LYST: variants seen among roughly 807,000 people sequenced by gnomAD.
LYST encodes lysosomal trafficking regulator, also known as lysosomal-trafficking regulator.
A neutral mutation model predicts 413.6 loss-of-function variants in LYST; 192 were observed. The ratio of observed to expected loss-of-function variants is 0.46; its 90% CI spans 0.41 to 0.52. The LOEUF (loss-of-function observed/expected upper bound fraction) is 0.52. LYST is among the 20% of genes least tolerant of loss of function. The probability of loss-of-function intolerance (pLI) is 0.00; values close to 1 mark genes in which losing one functional copy is unlikely to be tolerated. For missense variants in LYST, 3,815 were observed against 4,499.9 expected (o/e 0.85, Z 4.35); for synonymous variants, 1,525 against 1,567.3 (o/e 0.97, Z 0.64).
intron 1 of LYST, among the ~76,000 whole-genome samples, chr1:235,851,202 A>ATT (rs1491119484): frequency 2.0e-4 from 30 of 151,504 alleles, no homozygotes; most frequent in Non-Finnish European, 3.7e-4. Context: ...ATATATATAT[A>ATT]TGATGAAATA....
chr1:235,754,750 A>C (rs979131145), intron 25 of LYST, among the ~76,000 whole-genome samples: 1 of 152,124 alleles, frequency 6.6e-6, no homozygotes, highest in Non-Finnish European at 1.5e-5. Context: ...AGATTTCGTT[A>C]AGAGTGAGTT....
At chr1:235,858,525 A>T (rs1679474031) in intron 1 of LYST, among the ~76,000 whole-genome samples, 1 of 152,046 alleles carries the variant, frequency 6.6e-6, no homozygotes, top group African/African-American at 2.4e-5. Context: ...CTATGTGCCA[A>T]TTTTTCCATC....
In LYST at chr1:235,780,884, A is replaced by G. The variant is rs746374310; in HGVS notation, c.5195T>C (p.Val1732Ala). ...IRELFMTKKDVDIGLLIESLS... is the reference protein window; with the variant it reads ...IRELFMTKKDADIGLLIESLS... ...ACTTACAATTAAGAGACCAATATCC[A>G]CATCTTTCTTGGTCATAAAAAGTTC... Residue 1732 changes from valine to alanine, a missense_variant, in exon 16 of 53, where the codon GTG becomes GCG. This residue lies in a region of LYST where 530 missense variants were observed against 696.5 expected (regional missense o/e 0.76). Coordinates refer to ENST00000389793, the MANE Select transcript of LYST (RefSeq NM_000081.4). 2.3e-5 allele frequency: 35 copies of G among 1,525,064 alleles called. No homozygotes were observed. Among genetic ancestry groups the G allele is most frequent in the Non-Finnish European group, 3.0e-5 (33 of 1,118,378 alleles). The allele number at this position is 1,525,064 out of a possible 1,614,324, so 94.5% of individuals were successfully genotyped here.
chr1:235,739,819 C>T lies in LYST; in HGVS notation c.8358+1603G>A, dbSNP rs1043374835. ...GGTTAAAGATAATATCCTCAGTCTT[C>T]GTGGGTGAATAAACAACTGGCCTTG... On this transcript the variant is annotated intron_variant, in intron 31 of 52. Coordinates refer to ENST00000389793, the MANE Select transcript of LYST (RefSeq NM_000081.4). Among the ~76,000 whole-genome samples, 12 of 152,042 alleles carry T rather than the reference C, an allele frequency of 7.9e-5. No homozygotes were observed. The East Asian group carries it at 1.2e-3, about 15-fold the overall frequency.
At position 235,787,198 on chromosome 1, in the gene LYST, A is replaced by T; in HGVS notation, c.4862+2T>A. 6.2e-7 allele frequency: 1 copy of T among 1,612,076 alleles called. No individual in the cohort carries two copies. The highest frequency in any genetic ancestry group is 8.5e-7 in the Non-Finnish European group (1 of 1,178,230). On this transcript the variant is annotated splice_donor_variant, in intron 14 of 52. Transcript: ENST00000389793. LOFTEE classifies it high-confidence loss of function. Reference sequence around the variant, plus strand: ...GATGCATTTTCTCAAAATGCTTCCTACCTCTGTCCAGAGACCCATATGGAG... The same window carrying T: ...GATGCATTTTCTCAAAATGCTTCCTTCCTCTGTCCAGAGACCCATATGGAG...
rs12070581 is a variant in LYST at position 235,832,420 on chromosome 1, A to G, written c.-8+1158T>C. Among the ~76,000 whole-genome samples, 955 of 152,332 alleles carry G rather than the reference A, an allele frequency of 6.3e-3. 10 individuals carry two copies. The highest frequency in any genetic ancestry group is 0.022 in the African/African-American group (912 of 41,580). On this transcript the variant is annotated intron_variant, in intron 2 of 52. Coordinates refer to ENST00000389793, the MANE Select transcript of LYST (RefSeq NM_000081.4). ...GAAATCAATATAAATTTTTAGATATAAAAGTTAATGCCATATCAGTAAAAG... is the reference window on the plus strand; with the variant it reads ...GAAATCAATATAAATTTTTAGATATGAAAGTTAATGCCATATCAGTAAAAG...
intron 3 of LYST, among the ~76,000 whole-genome samples, chr1:235,822,642 T>C (rs16832878): frequency 0.059 from 8,974 of 152,176 alleles, 890 homozygotes; most frequent in African/African-American, 0.2. Flanking sequence ...GGAATAATAA[T>C]AATTTTGGTC....
At position 235,734,601 on chromosome 1, in the gene LYST, A is replaced by C; in HGVS notation, c.8417T>G (p.Leu2806Trp). 1.2e-6 allele frequency: 2 copies of C among 1,613,210 alleles called. No individual in the cohort carries two copies. The highest frequency in any genetic ancestry group is 1.7e-6 in the Non-Finnish European group (2 of 1,179,308). The change falls in exon 32 of 53, where the codon TTG becomes TGG. Residue 2806 changes from leucine to tryptophan, a missense_variant. Coordinates refer to ENST00000389793, the MANE Select transcript of LYST (RefSeq NM_000081.4). ...TGCTGTGCCTAGCTCTTCTTCAGTCAATTCACCTTGGTGATTATGTATCAA... is the reference window on the plus strand; with the variant it reads ...TGCTGTGCCTAGCTCTTCTTCAGTCCATTCACCTTGGTGATTATGTATCAA... ...SELIHNHQGELTEEELGTAEL... is the reference protein window; with the variant it reads ...SELIHNHQGEWTEEELGTAEL...
rs147169658 is a variant in LYST at position 235,710,154 on chromosome 1, A to G, written c.9926-846T>C. Among the ~76,000 whole-genome samples, 1,015 of 152,310 alleles carry G rather than the reference A, an allele frequency of 6.7e-3. 8 individuals are homozygous for G. Among genetic ancestry groups the G allele is most frequent in the Middle Eastern group, 0.041 (12 of 294 alleles). The stretch of plus-strand genomic sequence containing the variant: ...TAAGTTGCTGTCTGTCTACTTTTTG[A>G]TCTTGTAAAAACAGTTAGAAGGATC... On this transcript the variant is annotated intron_variant, in intron 43 of 52. Transcript: ENST00000389793.
intron 3 of LYST, chr1:235,828,060 A>G (rs1381058234): frequency 7.5e-6 from 5 of 666,162 alleles, no homozygotes; most frequent in Non-Finnish European, 9.3e-6. Flanking sequence ...GTGAACTAAA[A>G]CTACAATAAG....
intron 1 of LYST, among the ~76,000 whole-genome samples, chr1:235,857,605 A>G (rs1376176222): frequency 6.6e-6 from 1 of 152,056 alleles, no homozygotes; most frequent in Non-Finnish European, 1.5e-5. Context: ...CCAGCCAATG[A>G]GACTGAAGAG....
At chr1:235,723,949 C>T in intron 39 of LYST, 79 bp downstream of exon 39, 1 of 1,217,224 alleles carries the variant, frequency 8.2e-7, no homozygotes. Flanking sequence ...AGTAAACCTT[C>T]ATGTAATCAG....
At chr1:235,771,321 C>G (rs1413397913) in intron 19 of LYST, among the ~76,000 whole-genome samples, 1 of 152,084 alleles carries the variant, frequency 6.6e-6, no homozygotes, top group East Asian at 1.9e-4. Flanking sequence ...GTAAGAAAAT[C>G]TTATTTCAAA....
rs761007324 is a variant in LYST, at chr1:235,881,658, C to CAT, written n.454+1527_454+1528dup. On this transcript the variant is annotated intron_variant and non_coding_transcript_variant, in intron 1 of 11. Transcript: ENST00000465349. The stretch of plus-strand genomic sequence containing the variant: ...ATATATATTTACATACACGTACATA[C>CAT]ATATATATATGCAATGGAATATTAT... 7.2e-5 allele frequency among the ~76,000 whole-genome samples: 11 copies of CAT among 152,044 alleles called. No homozygotes were observed. The South Asian group carries it at 1.0e-3, about 14-fold the overall frequency.
At position 235,661,832 on chromosome 1, in the gene LYST, C is replaced by T. The variant is rs751243581; in HGVS notation, c.*1108G>A. On this transcript the variant is annotated 3_prime_UTR_variant, in exon 53 of 53. Coordinates refer to ENST00000389793, the MANE Select transcript of LYST (RefSeq NM_000081.4). Reference sequence around the variant, plus strand: ...ACAGCCATCATATGGGAGAGACAGACGGCTCCAAGATGTTTAGGAATTCTG... The same window carrying T: ...ACAGCCATCATATGGGAGAGACAGATGGCTCCAAGATGTTTAGGAATTCTG... The T allele has an allele frequency of 6.6e-5, 10 of 152,542 alleles. No individual in the cohort carries two copies. Among genetic ancestry groups the T allele is most frequent in the Non-Finnish European group, 1.2e-4 (8 of 68,030 alleles). 9.4% of individuals were successfully genotyped at this position (152,542 alleles called of 1,614,324 possible). A position where few individuals can be genotyped will look rare whatever the true frequency, so the allele number is the denominator to read the frequency against.
Position 235,693,432 on chromosome 1 carries a change from C to A in LYST, c.10619G>T (p.Gly3540Val). The change falls in exon 47 of 53, where the codon GGA becomes GTA. Residue 3540 changes from glycine (G) to valine (V), a missense_variant. Coordinates refer to ENST00000389793, the MANE Select transcript of LYST (RefSeq NM_000081.4). ...CAACCTTAAAATATTATCAGCATAT[C>A]CCCAGCTCAGGATGGCTGACCACTG... ...DIQWSAILSW[G>V]YADNILRLKS... 6.2e-7 allele frequency: 1 copy of A among 1,613,336 alleles called. No homozygotes were observed. Among genetic ancestry groups the A allele is most frequent in the Non-Finnish European group, 8.5e-7 (1 of 1,179,274 alleles).
At chr1:235,877,681 C>G (rs1395446736) in intron 1 of LYST, among the ~76,000 whole-genome samples, 1 of 152,130 alleles carries the variant, frequency 6.6e-6, no homozygotes, top group Admixed American at 6.6e-5. Flanking sequence ...GCTAGGATTA[C>G]AAGCGTGAGC....
intron 28 of LYST, among the ~76,000 whole-genome samples, chr1:235,747,540 AAAAAG>A (rs969136362): frequency 1.4e-4 from 21 of 152,162 alleles, no homozygotes; most frequent in African/African-American, 4.6e-4. Flanking sequence ...GAGGCAAAAA[AAAAAG>A]AAAATACAAA....
In LYST at chr1:235,809,522, C is replaced by T. The variant is rs185843987; in HGVS notation, c.1296G>A (p.Leu432=). Reference sequence around the variant, plus strand: ...CATGATGCTGAATGAATTCTTGAACCAAATCCATGGCTTGACTGAAGTAGA... The same window carrying T: ...CATGATGCTGAATGAATTCTTGAACTAAATCCATGGCTTGACTGAAGTAGA... ...NPFYFSQAMD[L]VQEFIQHHGF... is the part of the protein sequence containing the mutation. The change falls in exon 5 of 53, where the codon TTG becomes TTA. Residue 432 remains leucine (L), a synonymous_variant. Transcript: ENST00000389793. This position sits in a 1 kb window ranked among gnomAD's most constrained non-coding sequence, Gnocchi z 4.0. 6.2e-6 allele frequency: 10 copies of T among 1,614,014 alleles called. No homozygotes were observed. In the East Asian group the frequency reaches 2.2e-4, roughly 36 times the overall value.
Sources: allele counts gnomAD v4.1 joint callset (sites outside exome capture counted in the v4.1 genomes callset), GRCh38; gene constraint gnomAD v4.1.1; regional missense constraint gnomAD v4.1.1; non-coding constraint Gnocchi (gnomAD v3.1); transcripts MANE v1.5; gene names NCBI Gene and HGNC (gene_info 2026-07-23, HGNC 2026-07-21).